ADGRB3: variants seen among roughly 807,000 people sequenced by gnomAD.
ADGRB3 encodes adhesion G protein-coupled receptor B3, also known as brain-specific angiogenesis inhibitor 3.
In ADGRB3, 37 loss-of-function variants were observed where a neutral mutation model predicts 193.4. That is an observed-to-expected ratio of 0.19 (90% CI 0.15 to 0.25). The LOEUF (loss-of-function observed/expected upper bound fraction) is 0.25, where lower values mean the gene tolerates loss of function less well. ADGRB3 is among the 10% of genes least tolerant of loss of function. The pLI is 1.00. For missense variants in ADGRB3, 1,637 were observed against 1,852.9 expected (o/e 0.88, Z 2.14); for synonymous variants, 690 against 644.2 (o/e 1.07, Z -1.08).
At chr6:69,106,357 G>C (rs1773216306) in intron 17 of ADGRB3, among the ~76,000 whole-genome samples, 1 of 152,080 alleles carries the variant, frequency 6.6e-6, no homozygotes, top group South Asian at 2.1e-4. Flanking sequence ...AGTACAAGCT[G>C]TTTAATTAAA....
At chr6:68,871,233 T>C (rs1159963082) in intron 3 of ADGRB3, among the ~76,000 whole-genome samples, 1 of 152,218 alleles carries the variant, frequency 6.6e-6, no homozygotes, top group East Asian at 1.9e-4. Context: ...TCCTCAGTTG[T>C]CTATTACAAG....
intron 17 of ADGRB3, among the ~76,000 whole-genome samples, chr6:69,187,788 G>A (rs1765101286): frequency 6.6e-6 from 1 of 152,190 alleles, no homozygotes; most frequent in Non-Finnish European, 1.5e-5. Context: ...CTCTTGAAAG[G>A]AGATTGGAGG....
In ADGRB3 at chr6:69,388,687, C is replaced by T. The variant is rs1284887111; in HGVS notation, c.4381-16C>T. ...GTCATCACATAAATGACTCTCTTTC[C>T]CTCTCTTCTCAACAGGAAAACCCCG... On this transcript the variant is annotated splice_polypyrimidine_tract_variant and intron_variant, in intron 31 of 31. Coordinates refer to ENST00000370598, the MANE Select transcript of ADGRB3 (RefSeq NM_001704.3). 4.4e-6 allele frequency: 7 copies of T among 1,606,416 alleles called. No homozygotes were observed. The African/African-American group carries it at 6.7e-5, about 15-fold the overall frequency.
At chr6:68,787,118 C>G (rs1278003651) in intron 3 of ADGRB3, among the ~76,000 whole-genome samples, 1 of 152,158 alleles carries the variant, frequency 6.6e-6, no homozygotes, top group East Asian at 1.9e-4. Flanking sequence ...ATTTGACTTC[C>G]TCTTTTCCTA....
chr6:68,727,012 A>T (rs1765686529), intron 3 of ADGRB3, among the ~76,000 whole-genome samples: 1 of 151,520 alleles, frequency 6.6e-6, no homozygotes, highest in Admixed American at 6.6e-5. Flanking sequence ...TTGAAATTTA[A>T]TACCTTTAAT....
chr6:68,755,912 A>G (rs370398624), intron 3 of ADGRB3, among the ~76,000 whole-genome samples: 70 of 152,288 alleles, frequency 4.6e-4, no homozygotes, highest in African/African-American at 1.6e-3. Flanking sequence ...GACATGGTAC[A>G]TTTGTCTAGC....
chr6:68,914,340 A>T (rs1184554578), intron 3 of ADGRB3, among the ~76,000 whole-genome samples: 1 of 152,182 alleles, frequency 6.6e-6, no homozygotes, highest in Non-Finnish European at 1.5e-5. Context: ...CTAACAGCGG[A>T]TCTCTCGGCA....
intron 3 of ADGRB3, among the ~76,000 whole-genome samples, chr6:68,854,518 A>T (rs1764909934): frequency 6.6e-6 from 1 of 151,664 alleles, no homozygotes; most frequent in African/African-American, 2.4e-5. Context: ...TGTATATATA[A>T]ATTTTAAAAA....
At chr6:69,171,102 A>G (rs1775260130) in intron 17 of ADGRB3, among the ~76,000 whole-genome samples, 1 of 151,604 alleles carries the variant, frequency 6.6e-6, no homozygotes, top group South Asian at 2.1e-4. Context: ...TTCACATGTA[A>G]TCAGTGTAAA....
At chr6:69,187,292 T>G (rs553581559) in intron 17 of ADGRB3, among the ~76,000 whole-genome samples, 8 of 152,298 alleles carry the variant, frequency 5.3e-5, no homozygotes, top group Admixed American at 2.0e-4. Flanking sequence ...CCCTATAATA[T>G]TGGATCTAAA....
At chr6:68,728,206 G>C (rs1242994546) in intron 3 of ADGRB3, among the ~76,000 whole-genome samples, 1 of 151,366 alleles carries the variant, frequency 6.6e-6, no homozygotes, top group East Asian at 1.9e-4. Context: ...ATTTTAAAGT[G>C]CATTTGATTT....
At chr6:69,181,602 A>G (rs891026033) in intron 17 of ADGRB3, among the ~76,000 whole-genome samples, 23 of 152,170 alleles carry the variant, frequency 1.5e-4, no homozygotes, top group Non-Finnish European at 2.9e-4. Flanking sequence ...TGCTTCTTGC[A>G]TATACATTAT....
intron 17 of ADGRB3, among the ~76,000 whole-genome samples, chr6:69,100,712 A>G (rs142684774): frequency 6.6e-6 from 1 of 151,398 alleles, no homozygotes; most frequent in Non-Finnish European, 1.5e-5. Context: ...TAATTCCAGA[A>G]AGGTAATTAC....
chr6:68,830,709 G>T (rs1767935727), intron 3 of ADGRB3, among the ~76,000 whole-genome samples: 1 of 152,022 alleles, frequency 6.6e-6, no homozygotes, highest in South Asian at 2.1e-4. Flanking sequence ...GAAAATATGG[G>T]CTTTTACTAC....
chr6:68,985,516 C>A (rs182843354), intron 10 of ADGRB3, among the ~76,000 whole-genome samples: 1 of 152,262 alleles, frequency 6.6e-6, no homozygotes, highest in East Asian at 1.9e-4. Context: ...TACTTCCTCA[C>A]CCCCTTGATG....
chr6:68,814,071 CAGTAA>C, intron 3 of ADGRB3, among the ~76,000 whole-genome samples: 1 of 152,244 alleles, frequency 6.6e-6, no homozygotes, highest in Non-Finnish European at 1.5e-5. Flanking sequence ...GGTATATACC[CAGTAA>C]TGGGATGGCT....
At position 68,936,577 on chromosome 6, in the gene ADGRB3, A is replaced by C; in HGVS notation, c.927A>C (p.Gln309His). 6.2e-7 allele frequency: 1 copy of C among 1,614,080 alleles called. No individual in the cohort carries two copies. The highest frequency in any genetic ancestry group is 8.5e-7 in the Non-Finnish European group (1 of 1,179,994). ...QWSTCSVTCG[Q>H]GSQVRTRTCV... ...GCACATGTTCGGTTACTTGTGGTCAAGGGTCGCAGGTGCGAACCAGAACTT... is the reference window on the plus strand; with the variant it reads ...GCACATGTTCGGTTACTTGTGGTCACGGGTCGCAGGTGCGAACCAGAACTT... Residue 309 changes from glutamine to histidine, a missense_variant, in exon 5 of 32, where the codon CAA becomes CAC. Physicochemically the swap from Gln to His is conservative, Grantham distance 24. Around this residue, in one of 7 missense-constraint regions of ADGRB3, gnomAD observed 365 missense variants for 409.8 expected, o/e 0.89. Coordinates refer to ENST00000370598, the MANE Select transcript of ADGRB3 (RefSeq NM_001704.3).
At chr6:69,140,500 AGGT>A (rs1188597784) in intron 17 of ADGRB3, among the ~76,000 whole-genome samples, 1 of 152,128 alleles carries the variant, frequency 6.6e-6, no homozygotes, top group Admixed American at 6.5e-5. Context: ...GAGCTGGGAG[AGGT>A]GGTGGTGGGC....
chr6:68,849,859 T>G (rs927663762), intron 3 of ADGRB3, among the ~76,000 whole-genome samples: 5 of 151,882 alleles, frequency 3.3e-5, no homozygotes, highest in Admixed American at 3.3e-4. Flanking sequence ...TCATTTGAAC[T>G]TCATAGCAGA....
Sources: allele counts gnomAD v4.1 joint callset (sites outside exome capture counted in the v4.1 genomes callset), GRCh38; gene constraint gnomAD v4.1.1; regional missense constraint gnomAD v4.1.1; transcripts MANE v1.5; gene names NCBI Gene and HGNC (gene_info 2026-07-23, HGNC 2026-07-21).